TMPRSS15: variants seen among roughly 807,000 people sequenced by gnomAD.
TMPRSS15 encodes enteropeptidase.
TMPRSS15 carries 128 observed loss-of-function variants against 125.3 expected under a neutral mutation model. The observed-to-expected ratio is 1.02, with a 90% CI of 0.89 to 1.18. TMPRSS15 has a LOEUF of 1.18. TMPRSS15 is among the 50% of genes most tolerant of loss of function. The pLI is 0.00. For missense variants in TMPRSS15, 1,283 were observed against 1,212.7 expected (o/e 1.06, Z -0.86); for synonymous variants, 446 against 423.2 (o/e 1.05, Z -0.66).
At chr21:18,380,007 G>C (rs1385419265) in intron 4 of TMPRSS15, among the ~76,000 whole-genome samples, 1 of 151,982 alleles carries the variant, frequency 6.6e-6, no homozygotes, top group Admixed American at 6.6e-5. Context: ...ATGGGATGAA[G>C]AAAATGCTGG....
At chr21:18,311,432 C>T (rs2075100284) in intron 18 of TMPRSS15, among the ~76,000 whole-genome samples, 3 of 152,086 alleles carry the variant, frequency 2.0e-5, no homozygotes, top group Admixed American at 2.0e-4. Flanking sequence ...GGCAAATTAT[C>T]TGAATAGACA....
intron 23 of TMPRSS15, among the ~76,000 whole-genome samples, chr21:18,277,460 A>C (rs1274175560): frequency 1.3e-5 from 2 of 152,180 alleles, no homozygotes; most frequent in Non-Finnish European, 2.9e-5. Context: ...TCTAGGAATC[A>C]TTTTTACTGT....
intron 1 of TMPRSS15, among the ~76,000 whole-genome samples, chr21:18,426,592 G>C (rs530269254): frequency 4.6e-5 from 7 of 152,136 alleles, no homozygotes; most frequent in Admixed American, 4.6e-4. Flanking sequence ...CCTCTTTTTG[G>C]TCTACGCTAT....
chr21:18,372,149 G>C, intron 6 of TMPRSS15, 44 bp downstream of exon 6: 1 of 1,410,848 alleles, frequency 7.1e-7, no homozygotes, highest in Non-Finnish European at 9.9e-7. Flanking sequence ...TCTACAGTGA[G>C]GGAGGATAAA....
chr21:18,334,886 AG>A (rs2075377122), intron 13 of TMPRSS15, among the ~76,000 whole-genome samples: 1 of 152,208 alleles, frequency 6.6e-6, no homozygotes, highest in South Asian at 2.1e-4. Flanking sequence ...TAACAAAAAA[AG>A]GAGGGCAGTG....
intron 1 of TMPRSS15, among the ~76,000 whole-genome samples, chr21:18,445,157 T>G (rs1225843334): frequency 6.6e-6 from 1 of 152,024 alleles, no homozygotes; most frequent in Non-Finnish European, 1.5e-5. Context: ...ATTGTATATA[T>G]ATATATACCC....
At chr21:18,413,291 T>TC (rs2076171124) in intron 1 of TMPRSS15, among the ~76,000 whole-genome samples, 2 of 118,320 alleles carry the variant, frequency 1.7e-5, no homozygotes, top group Admixed American at 1.8e-4. Flanking sequence ...TTTCTTTCTT[T>TC]CTTTTCTTTC....
rs57962003 is a variant in TMPRSS15 at position 18,365,649 on chromosome 21, CCCTTCCTTCCTTCCTTCCTTCCTTCCTT to C, written c.665-429_665-402del. Reference sequence around the variant, plus strand: ...CTTTCTCTTTCTCTCTCTTTTTCCTCCCTTCCTTCCTTCCTTCCTTCCTTCCTTCCTTCCTTCCTTCCTTCCTTCCTAC... The same window carrying C: ...CTTTCTCTTTCTCTCTCTTTTTCCTCCCTTCCTTCCTTCCTTCCTTCCTAC... On this transcript the variant is annotated intron_variant, in intron 6 of 24. Transcript: ENST00000284885. 1.6e-3 allele frequency among the ~76,000 whole-genome samples: 104 copies of C among 65,856 alleles called. 4 individuals carry two copies. Among genetic ancestry groups the C allele is most frequent in the African/African-American group, 6.8e-3 (98 of 14,470 alleles). 43.2% of individuals were successfully genotyped at this position (65,856 alleles called of 152,430 possible).
At chr21:18,403,100 C>T (rs1039511408) in intron 1 of TMPRSS15, among the ~76,000 whole-genome samples, 3 of 152,082 alleles carry the variant, frequency 2.0e-5, no homozygotes, top group Non-Finnish European at 4.4e-5. Flanking sequence ...TATTCAACAA[C>T]ATGTTAATAT....
chr21:18,445,161 T>C (rs2123242037), intron 1 of TMPRSS15, among the ~76,000 whole-genome samples: 1 of 151,956 alleles, frequency 6.6e-6, no homozygotes, highest in South Asian at 2.1e-4. Context: ...TATATATATA[T>C]ATACCCCATT....
At chr21:18,290,045 A>T (rs2074815046) in intron 21 of TMPRSS15, among the ~76,000 whole-genome samples, 1 of 152,264 alleles carries the variant, frequency 6.6e-6, no homozygotes, top group African/African-American at 2.4e-5. Context: ...AGTATGAGTC[A>T]GCAATTCTCA....
chr21:18,396,735 G>C (rs185786332), intron 3 of TMPRSS15, among the ~76,000 whole-genome samples: 173 of 147,092 alleles, frequency 1.2e-3, no homozygotes, highest in Non-Finnish European at 2.0e-3. Flanking sequence ...GATCACGCCA[G>C]TGCACTCCAG....
intron 5 of TMPRSS15, among the ~76,000 whole-genome samples, chr21:18,378,218 C>A (rs1029792518): frequency 1.6e-4 from 24 of 152,052 alleles, no homozygotes; most frequent in Admixed American, 8.5e-4. Context: ...CATTATCAAT[C>A]CCAAAAGCAT....
intron 16 of TMPRSS15, among the ~76,000 whole-genome samples, chr21:18,317,784 CAT>C (rs2075183595): frequency 8.4e-6 from 1 of 119,382 alleles, no homozygotes; most frequent in African/African-American, 3.3e-5. Context: ...CATCCCATCC[CAT>C]CCCATCCCAT....
At chr21:18,361,351 G>T (rs2075678386) in intron 7 of TMPRSS15, among the ~76,000 whole-genome samples, 1 of 152,110 alleles carries the variant, frequency 6.6e-6, no homozygotes, top group Admixed American at 6.6e-5. Context: ...GTGTACGGGA[G>T]AAAACATCTA....
chr21:18,331,015 G>C (rs2075339637), intron 14 of TMPRSS15, among the ~76,000 whole-genome samples: 1 of 149,024 alleles, frequency 6.7e-6, no homozygotes, highest in African/African-American at 2.5e-5. Flanking sequence ...GGAGCTTGCA[G>C]TGAGCCGAGA....
At chr21:18,328,029 G>C (rs1042043578) in intron 15 of TMPRSS15, among the ~76,000 whole-genome samples, 44 of 152,024 alleles carry the variant, frequency 2.9e-4, no homozygotes, top group African/African-American at 1.0e-3. Context: ...CTCCAGCCTG[G>C]GTGACAGAGC....
At chr21:18,337,189 C>G (rs187150660) in intron 13 of TMPRSS15, among the ~76,000 whole-genome samples, 1 of 152,078 alleles carries the variant, frequency 6.6e-6, no homozygotes. Flanking sequence ...GTACTGCACC[C>G]GGCCATGCCA....
At chr21:18,455,753 G>T (rs888555696) in intron 1 of TMPRSS15, among the ~76,000 whole-genome samples, 1 of 152,118 alleles carries the variant, frequency 6.6e-6, no homozygotes, top group Non-Finnish European at 1.5e-5. Context: ...CAGTGAGTTT[G>T]GGGGAAATAT....
Sources: allele counts gnomAD v4.1 joint callset (sites outside exome capture counted in the v4.1 genomes callset), GRCh38; gene constraint gnomAD v4.1.1; transcripts MANE v1.5; gene names NCBI Gene and HGNC (gene_info 2026-07-23, HGNC 2026-07-21).